BTC: variants seen among roughly 807,000 people sequenced by gnomAD.
BTC encodes betacellulin, also known as probetacellulin.
Under a neutral mutation model 18.1 loss-of-function variants are expected in BTC, and 13 were observed. The observed-to-expected ratio is 0.72, with a 90% confidence interval of 0.47 to 1.14. The LOEUF (loss-of-function observed/expected upper bound fraction) is 1.14. Among genes scored for constraint, BTC ranks in the 50% most tolerant of loss-of-function variants. The pLI is 0.00. For missense variants in BTC, 247 were observed against 224.2 expected (o/e 1.10, Z -0.65); for synonymous variants, 83 against 79.4 (o/e 1.05, Z -0.24).
chr4:74,778,603 G>A (rs1268395587), intron 1 of BTC, among the ~76,000 whole-genome samples: 1 of 152,136 alleles, frequency 6.6e-6, no homozygotes, highest in African/African-American at 2.4e-5. Flanking sequence ...ATACCTTGAA[G>A]CAGTCCAGTG....
Position 74,749,912 on chromosome 4 carries a change from T to C in BTC, c.428+661A>G, listed in dbSNP as rs1724413008. Among the ~76,000 whole-genome samples, 3 of 132,708 alleles carry C rather than the reference T, an allele frequency of 2.3e-5. No individual in the cohort carries two copies. The Admixed American group carries it at 2.5e-4, about 11-fold the overall frequency. 87.1% of individuals were successfully genotyped at this position (132,708 alleles called of 152,430 possible). On this transcript the variant is annotated intron_variant, in intron 4 of 5. Coordinates refer to ENST00000395743, the MANE Select transcript of BTC (RefSeq NM_001729.4). Reference sequence around the variant, plus strand: ...GAGTTCAAGACCAGCCTGGACAACATAGTGAGAGCCAGTCTCCACAAAAAA... The same window carrying C: ...GAGTTCAAGACCAGCCTGGACAACACAGTGAGAGCCAGTCTCCACAAAAAA...
Position 74,794,449 on chromosome 4 carries a change from A to G in BTC, c.-124T>C. On this transcript the variant is annotated 5_prime_UTR_variant, in exon 1 of 6. Coordinates refer to ENST00000395743, the MANE Select transcript of BTC (RefSeq NM_001729.4). ...AATCCCGGAGGCAGAAGGAAACGAA[A>G]CTACTTCCCAGGCTGGCACCCTGGC... is the stretch of plus-strand genomic sequence containing the variant. The G allele has an allele frequency of 9.0e-7, 1 of 1,106,446 alleles. No individual in the cohort carries two copies. Among genetic ancestry groups the G allele is most frequent in the East Asian group, 2.9e-5 (1 of 35,022 alleles). The allele number at this position is 1,106,446 out of a possible 1,614,324, so 68.5% of individuals were successfully genotyped here.
At chr4:74,754,938 A>AACAC (rs33972204) in intron 3 of BTC, among the ~76,000 whole-genome samples, 22,657 of 149,860 alleles carry the variant, frequency 0.15, 1,940 homozygotes, top group Middle Eastern at 0.23. Flanking sequence ...TATCCCTCTC[A>AACAC]ACACACACAC....
chr4:74,752,757 T>C (rs1281903521), intron 3 of BTC, among the ~76,000 whole-genome samples: 1 of 152,220 alleles, frequency 6.6e-6, no homozygotes, highest in East Asian at 1.9e-4. Flanking sequence ...CTTACAAATA[T>C]ATTTTTTTCC....
chr4:74,781,415 G>GTGTGTA (rs539200922), intron 1 of BTC, among the ~76,000 whole-genome samples: 25 of 151,134 alleles, frequency 1.7e-4, no homozygotes, highest in African/African-American at 5.8e-4. Context: ...GTGTGTGTGT[G>GTGTGTA]TGGCTTCAGT....
chr4:74,787,144 C>T (rs1184357613), intron 1 of BTC, among the ~76,000 whole-genome samples: 1 of 152,170 alleles, frequency 6.6e-6, no homozygotes, highest in African/African-American at 2.4e-5. Context: ...AATGAATCCA[C>T]AGTCTTGCGA....
intron 3 of BTC, among the ~76,000 whole-genome samples, chr4:74,751,216 C>T (rs969796147): frequency 3.9e-5 from 6 of 152,076 alleles, no homozygotes; most frequent in African/African-American, 1.4e-4. Context: ...GTTCCATAAA[C>T]GTTAGATAGA....
intron 1 of BTC, among the ~76,000 whole-genome samples, chr4:74,776,569 C>T (rs558343198): frequency 3.8e-4 from 58 of 152,112 alleles, no homozygotes; most frequent in Non-Finnish European, 6.9e-4. Context: ...AGTATTATCC[C>T]CATCAGTCAG....
At chr4:74,770,007 T>C (rs1724996506) in intron 2 of BTC, 51 bp downstream of exon 2, 1 of 1,446,710 alleles carries the variant, frequency 6.9e-7, no homozygotes, top group African/African-American at 1.4e-5. Context: ...AGTACTATTA[T>C]TATCAGAAAA....
At chr4:74,790,195 A>C (rs1376407779) in intron 1 of BTC, among the ~76,000 whole-genome samples, 1 of 152,230 alleles carries the variant, frequency 6.6e-6, no homozygotes, top group African/African-American at 2.4e-5. Context: ...AAGTATCCAG[A>C]ATCAAAATGT....
In BTC at chr4:74,750,698, T is replaced by A; in HGVS notation, c.303A>T (p.Gly101=). ...PSCVCDEGYI[G]ARCERVDLFY... ...ACAAGTCAACTCTCTCACACCTTGC[T>A]CCAATGTAGCCTTCATCACAGCTAT... Residue 101 remains glycine (G), a synonymous_variant, in exon 4 of 6, where the codon GGA becomes GGT. Coordinates refer to ENST00000395743, the MANE Select transcript of BTC (RefSeq NM_001729.4). The A allele has an allele frequency of 6.2e-7, 1 of 1,613,820 alleles. No homozygotes were observed. The highest frequency in any genetic ancestry group is 8.5e-7 in the Non-Finnish European group (1 of 1,179,912).
chr4:74,770,183 C>A, intron 1 of BTC, 27 bp from the exon 2 acceptor site: 2 of 1,560,402 alleles, frequency 1.3e-6, no homozygotes, highest in South Asian at 2.3e-5. Flanking sequence ...GAACCAAAAT[C>A]AAACATGAAA....
chr4:74,784,025 G>T (rs1560724133), intron 1 of BTC, among the ~76,000 whole-genome samples: 1 of 151,940 alleles, frequency 6.6e-6, no homozygotes, highest in Non-Finnish European at 1.5e-5. Flanking sequence ...TTGAGGTCAG[G>T]AGTTCGAGAC....
chr4:74,784,966 T>G (rs1254621835), intron 1 of BTC, among the ~76,000 whole-genome samples: 1 of 152,200 alleles, frequency 6.6e-6, no homozygotes, highest in Non-Finnish European at 1.5e-5. Flanking sequence ...TAATCCCTCC[T>G]TTTTAATTTT....
intron 1 of BTC, among the ~76,000 whole-genome samples, chr4:74,793,489 G>C (rs1255808853): frequency 6.6e-6 from 1 of 152,178 alleles, no homozygotes; most frequent in Non-Finnish European, 1.5e-5. Context: ...CTACAGCCCA[G>C]CTAAGATTAG....
At chr4:74,780,279 G>T (rs373665650) in intron 1 of BTC, among the ~76,000 whole-genome samples, 111 of 152,290 alleles carry the variant, frequency 7.3e-4, no homozygotes, top group African/African-American at 2.5e-3. Context: ...TCCCAATTAA[G>T]AATCTGACTA....
intron 2 of BTC, 66 bp from the exon 3 acceptor site, chr4:74,756,042 A>G: frequency 7.7e-7 from 1 of 1,306,376 alleles, no homozygotes; most frequent in Non-Finnish European, 1.1e-6. Flanking sequence ...ATAGAATCAT[A>G]TTCTTATCTT....
chr4:74,785,217 G>A (rs1000175724), intron 1 of BTC, among the ~76,000 whole-genome samples: 19 of 152,158 alleles, frequency 1.2e-4, no homozygotes, highest in Admixed American at 1.2e-3. Context: ...GTTAATAGAG[G>A]TGTTTATAGT....
chr4:74,786,967 ATT>A (rs3087017), intron 1 of BTC, among the ~76,000 whole-genome samples: 9 of 144,604 alleles, frequency 6.2e-5, no homozygotes, highest in Admixed American at 2.1e-4. Context: ...AAGAAATACA[ATT>A]TTTTTTTTTT....
Sources: allele counts gnomAD v4.1 joint callset (sites outside exome capture counted in the v4.1 genomes callset), GRCh38; gene constraint gnomAD v4.1.1; transcripts MANE v1.5; gene names NCBI Gene and HGNC (gene_info 2026-07-23, HGNC 2026-07-21).